REEP5: variants seen among roughly 807,000 people sequenced by gnomAD.
REEP5 encodes receptor accessory protein 5.
A neutral mutation model predicts 22.4 loss-of-function variants in REEP5; 24 were observed. The ratio of observed to expected loss-of-function variants is 1.07; its 90% CI spans 0.78 to 1.51. The LOEUF (loss-of-function observed/expected upper bound fraction) is 1.51. Ranked by LOEUF, REEP5 falls within the 40% of genes most tolerant of loss-of-function variation. The pLI is 0.00. For synonymous variants in REEP5, 103 were observed against 88.6 expected (o/e 1.16, Z -0.92); for missense variants, 252 against 233.0 (o/e 1.08, Z -0.53).
chr5:112,892,285 A>T (rs750517346), intron 3 of REEP5: 4 of 1,614,126 alleles, frequency 2.5e-6, no homozygotes, highest in Non-Finnish European at 2.5e-6. Flanking sequence ...AACGTTTGGA[A>T]TGGAGCAGTG....
chr5:112,901,858 G>A (rs1046635216), intron 3 of REEP5, among the ~76,000 whole-genome samples: 1 of 151,874 alleles, frequency 6.6e-6, no homozygotes, highest in East Asian at 1.9e-4. Context: ...TGCTACTCAG[G>A]AGGCTGAGGC....
chr5:112,903,880 G>C (rs889465478), intron 2 of REEP5, among the ~76,000 whole-genome samples: 1 of 152,180 alleles, frequency 6.6e-6, no homozygotes, highest in Non-Finnish European at 1.5e-5. Flanking sequence ...GCACAGGCTG[G>C]AGTGCAGTTG....
At chr5:112,893,152 G>A in intron 3 of REEP5, 1 of 708,114 alleles carries the variant, frequency 1.4e-6, no homozygotes, top group Non-Finnish European at 2.2e-6. Flanking sequence ...GCTCACACCT[G>A]TAATCCCAGC....
In REEP5 at chr5:112,890,074, C is replaced by T. The variant is rs184500991; in HGVS notation, c.352-2891G>A. On this transcript the variant is annotated intron_variant, in intron 3 of 4. Transcript: ENST00000379638. ...ACTCCTGACCTCAAATGATCCACCCCCATCGGCCTCCCAAAGTGCTGGGAT... is the reference window on the plus strand; with the variant it reads ...ACTCCTGACCTCAAATGATCCACCCTCATCGGCCTCCCAAAGTGCTGGGAT... Among the ~76,000 whole-genome samples the T allele has an allele frequency of 3.1e-4, 47 of 150,106 alleles. 3 individuals carry two copies. The highest frequency in any genetic ancestry group is 1.2e-3 in the African/African-American group (47 of 40,242).
At chr5:112,920,090 G>C (rs1769321252) in intron 2 of REEP5, among the ~76,000 whole-genome samples, 1 of 152,150 alleles carries the variant, frequency 6.6e-6, no homozygotes, top group Non-Finnish European at 1.5e-5. Flanking sequence ...CCCGGGGTAG[G>C]CCTCAGGGCT....
chr5:112,906,529 G>A (rs1446445095), intron 2 of REEP5, among the ~76,000 whole-genome samples: 1 of 152,142 alleles, frequency 6.6e-6, no homozygotes, highest in Non-Finnish European at 1.5e-5. Context: ...AAAATAGGAG[G>A]CAGGGTCATA....
At chr5:112,908,863 G>A (rs944815260) in intron 2 of REEP5, among the ~76,000 whole-genome samples, 2 of 83,672 alleles carry the variant, frequency 2.4e-5, no homozygotes, top group African/African-American at 1.9e-4. Flanking sequence ...CCCAGCTAAT[G>A]ATTTTTTTTT....
At chr5:112,880,091 T>A (rs1045516819) in intron 4 of REEP5, among the ~76,000 whole-genome samples, 1 of 152,052 alleles carries the variant, frequency 6.6e-6, no homozygotes, top group East Asian at 1.9e-4. Flanking sequence ...AGTCTTTGAG[T>A]TGGTGACAAG....
chr5:112,895,474 CTTA>C (rs1288157625), intron 3 of REEP5: 4 of 127,900 alleles, frequency 3.1e-5, no homozygotes, highest in Admixed American at 7.4e-5. Flanking sequence ...TCCAGACAAG[CTTA>C]TTATCTTTTC....
chr5:112,914,666 CT>C (rs1445471758), intron 2 of REEP5, among the ~76,000 whole-genome samples: 2 of 152,134 alleles, frequency 1.3e-5, no homozygotes, highest in Non-Finnish European at 2.9e-5. Context: ...CTCAAGTAAC[CT>C]CACAACTTAG....
intron 4 of REEP5, 47 bp downstream of exon 4, chr5:112,886,968 G>A (rs777256905): frequency 1.4e-6 from 2 of 1,416,050 alleles, no homozygotes; most frequent in Non-Finnish European, 1.9e-6. Context: ...AGCCCAGTGT[G>A]TCACATCTCC....
intron 3 of REEP5, among the ~76,000 whole-genome samples, chr5:112,899,592 A>T (rs1040371734): frequency 6.6e-6 from 1 of 152,194 alleles, no homozygotes; most frequent in African/African-American, 2.4e-5. Flanking sequence ...TAATGTTTAC[A>T]TTATGCAGTT....
chr5:112,879,584 C>T (rs891241041), intron 4 of REEP5, among the ~76,000 whole-genome samples: 1 of 152,140 alleles, frequency 6.6e-6, no homozygotes, highest in Non-Finnish European at 1.5e-5. Flanking sequence ...TGCCATTCTC[C>T]TGCCTCAGCC....
At chr5:112,899,577 G>C (rs994088931) in intron 3 of REEP5, among the ~76,000 whole-genome samples, 3 of 152,056 alleles carry the variant, frequency 2.0e-5, no homozygotes, top group Non-Finnish European at 4.4e-5. Context: ...GGACATTTCT[G>C]TTTATAATGT....
At chr5:112,919,461 T>C (rs893572918) in intron 2 of REEP5, among the ~76,000 whole-genome samples, 2 of 151,800 alleles carry the variant, frequency 1.3e-5, no homozygotes, top group Admixed American at 6.6e-5. Context: ...GGCAGGAGAA[T>C]TGCTTGAATT....
At chr5:112,882,079 CTATTT>C (rs1246770114) in intron 4 of REEP5, 1 of 152,712 alleles carries the variant, frequency 6.5e-6, no homozygotes, top group Admixed American at 6.6e-5. Context: ...CCTACTACTC[CTATTT>C]TAATTATTGA....
At chr5:112,921,985 C>G (rs1038588627) in intron 1 of REEP5, 88 bp downstream of exon 1, 13 of 1,463,176 alleles carry the variant, frequency 8.9e-6, no homozygotes, top group Non-Finnish European at 1.2e-5. Context: ...CCACCTTTCC[C>G]GAGTCCTCTC....
intron 2 of REEP5, among the ~76,000 whole-genome samples, chr5:112,913,700 G>C (rs1769169728): frequency 6.6e-6 from 1 of 151,834 alleles, no homozygotes; most frequent in Non-Finnish European, 1.5e-5. Context: ...ATGCAAAATG[G>C]AAGAGTCAGT....
chr5:112,882,613 T>G (rs1186588563), intron 4 of REEP5, among the ~76,000 whole-genome samples: 1 of 152,202 alleles, frequency 6.6e-6, no homozygotes, highest in African/African-American at 2.4e-5. Flanking sequence ...TGACAGTCCA[T>G]TTACTCTCCA....
Sources: gnomAD v4.1 joint callset for allele counts (sites outside exome capture counted in the v4.1 genomes callset) on GRCh38, gnomAD v4.1.1 for gene constraint, MANE v1.5 for transcripts, NCBI Gene and HGNC (gene_info 2026-07-23, HGNC 2026-07-21) for gene names.